RIC1: variants seen among roughly 807,000 people sequenced by gnomAD.
The protein encoded by RIC1 is guanine nucleotide exchange factor subunit RIC1.
A neutral mutation model predicts 169.0 loss-of-function variants in RIC1; 88 were observed. The observed-to-expected ratio is 0.52, with a 90% CI of 0.44 to 0.62. The LOEUF (loss-of-function observed/expected upper bound fraction) is 0.62, where lower values mean the gene tolerates loss of function less well. Among genes scored for constraint, RIC1 ranks in the 20% least tolerant of loss-of-function variants. The pLI is 0.00. For missense variants in RIC1, 1,877 were observed against 1,725.5 expected (o/e 1.09, Z -1.56); for synonymous variants, 790 against 601.5 (o/e 1.31, Z -4.59).
chr9:5,671,519 G>A (rs1404586319), intron 2 of RIC1, among the ~76,000 whole-genome samples: 4 of 152,098 alleles, frequency 2.6e-5, no homozygotes, highest in Non-Finnish European at 4.4e-5. Context: ...CAGGTGACCC[G>A]CCTGCCCCGG....
chr9:5,688,974 A>C (rs944487266), intron 2 of RIC1, among the ~76,000 whole-genome samples: 2 of 152,056 alleles, frequency 1.3e-5, no homozygotes, highest in Admixed American at 1.3e-4. Context: ...TTTGAACTTC[A>C]CAAATGTATG....
At chr9:5,656,876 G>A (rs1176916534) in intron 2 of RIC1, among the ~76,000 whole-genome samples, 186 bp downstream of exon 2, 2 of 152,032 alleles carry the variant, frequency 1.3e-5, no homozygotes, top group Admixed American at 1.3e-4. Context: ...TTCTGACTCT[G>A]CTACTTCCTT....
chr9:5,740,747 C>G (rs985362275), intron 8 of RIC1, among the ~76,000 whole-genome samples: 1 of 151,978 alleles, frequency 6.6e-6, no homozygotes, highest in African/African-American at 2.4e-5. Flanking sequence ...GGTGGGTCTG[C>G]CTTTCCCAGC....
chr9:5,656,530 T>A, intron 1 of RIC1, 53 bp from the exon 2 acceptor site: 1 of 804,230 alleles, frequency 1.2e-6, no homozygotes, highest in South Asian at 1.9e-5. Context: ...ATTTGTGTAT[T>A]TTTATGAGAT....
rs2130434291 is a variant in RIC1 at position 5,654,565 on chromosome 9, A to G, written c.145-2018A>G. Among the ~76,000 whole-genome samples the G allele has an allele frequency of 1.3e-5, 2 of 150,894 alleles. 1 individual carries two copies. The highest frequency in any genetic ancestry group is 4.0e-4 in the East Asian group (2 of 5,062). ...GCCCAGCTTTGTTTTTGTTTTTGAG[A>G]TTCAGTTTCTGTTGCCTAGGGTGGA... On this transcript the variant is annotated intron_variant, in intron 1 of 25. Transcript: ENST00000414202.
At chr9:5,665,129 C>T (rs898187499) in intron 2 of RIC1, among the ~76,000 whole-genome samples, 4 of 152,090 alleles carry the variant, frequency 2.6e-5, no homozygotes, top group Non-Finnish European at 5.9e-5. Context: ...GGACATTTAG[C>T]TCTTCTTGTT....
rs1216642947 is a variant in RIC1, at chr9:5,703,402, C to G, written c.333-10494C>G. Among the ~76,000 whole-genome samples, 3 of 152,318 alleles carry G rather than the reference C, an allele frequency of 2.0e-5. No homozygotes were observed. The East Asian group carries it at 5.8e-4, about 29-fold the overall frequency. On this transcript the variant is annotated intron_variant, in intron 3 of 25. Coordinates refer to ENST00000414202, the MANE Select transcript of RIC1 (RefSeq NM_020829.4). ...AGTACATTTACAGTGTTTTGTACAA[C>G]TATCACAATTACCTAGTTCCAGAAC...
intron 1 of RIC1, among the ~76,000 whole-genome samples, chr9:5,631,413 T>G (rs1817709080): frequency 6.6e-6 from 1 of 152,130 alleles, no homozygotes; most frequent in Non-Finnish European, 1.5e-5. Context: ...GTATGAGTGG[T>G]TAACCTTGGT....
chr9:5,714,754 AAG>A (rs1456265842), intron 4 of RIC1, among the ~76,000 whole-genome samples: 1 of 152,190 alleles, frequency 6.6e-6, no homozygotes, highest in Non-Finnish European at 1.5e-5. Context: ...TCTTGTTTAA[AAG>A]AGAGAGCATG....
chr9:5,778,279 C>G (rs933917330), downstream of RIC1, among the ~76,000 whole-genome samples: 1 of 152,096 alleles, frequency 6.6e-6, no homozygotes, highest in Non-Finnish European at 1.5e-5. Flanking sequence ...CAACATCAAA[C>G]TTTTTCTTTT....
At chr9:5,646,406 C>T (rs912706117) in intron 1 of RIC1, among the ~76,000 whole-genome samples, 1 of 152,036 alleles carries the variant, frequency 6.6e-6, no homozygotes, top group Non-Finnish European at 1.5e-5. Context: ...GATGGTGGCC[C>T]TATAAAATTC....
intron 2 of RIC1, among the ~76,000 whole-genome samples, chr9:5,676,963 G>T (rs1055442581): frequency 6.6e-6 from 1 of 152,200 alleles, no homozygotes; most frequent in East Asian, 1.9e-4. Context: ...GTTTGGGGCT[G>T]TAACAAACAA....
chr9:5,744,283 T>C (rs1218308870), intron 10 of RIC1, among the ~76,000 whole-genome samples: 2 of 152,118 alleles, frequency 1.3e-5, no homozygotes, highest in African/African-American at 4.8e-5. Flanking sequence ...GAAATGCTCA[T>C]TGGGCATTTT....
chr9:5,658,258 A>G (rs1043899479), intron 2 of RIC1, among the ~76,000 whole-genome samples: 31 of 152,248 alleles, frequency 2.0e-4, no homozygotes, highest in African/African-American at 6.7e-4. Flanking sequence ...TTATTATTCA[A>G]TGGCACTATA....
intron 15 of RIC1, among the ~76,000 whole-genome samples, chr9:5,755,944 A>AAATG (rs1417274354): frequency 6.7e-6 from 1 of 149,928 alleles, no homozygotes; most frequent in Non-Finnish European, 1.5e-5. Context: ...ATAAATAAAT[A>AAATG]AATAAATAAA....
chr9:5,640,643 G>C (rs1818193846), intron 1 of RIC1, among the ~76,000 whole-genome samples: 1 of 152,150 alleles, frequency 6.6e-6, no homozygotes, highest in Non-Finnish European at 1.5e-5. Flanking sequence ...CAAGTAGAAG[G>C]AGTTATACTC....
intron 2 of RIC1, among the ~76,000 whole-genome samples, chr9:5,676,044 T>A (rs1586924774): frequency 6.6e-6 from 1 of 152,208 alleles, no homozygotes; most frequent in East Asian, 1.9e-4. Context: ...GAGAAATTTA[T>A]AGTTTAAATG....
At position 5,772,299 on chromosome 9, in the gene RIC1, T is replaced by C. The variant is rs530842537; in HGVS notation, c.3617-265T>C. ...TGAATGTAAAGACTTGGTCAAACTC[T>C]AGCTAGATTTTATTGAGGGAGTTGG... On this transcript the variant is annotated intron_variant, in intron 23 of 25. Transcript: ENST00000414202. 3.3e-5 allele frequency among the ~76,000 whole-genome samples: 5 copies of C among 152,330 alleles called. No homozygotes were observed. The East Asian group carries it at 9.6e-4, about 29-fold the overall frequency.
chr9:5,762,905 G>C (rs1247833440), intron 18 of RIC1, among the ~76,000 whole-genome samples: 1 of 152,050 alleles, frequency 6.6e-6, no homozygotes, highest in Non-Finnish European at 1.5e-5. Context: ...AATTCTAATG[G>C]AAAAAATAGG....
Sources: allele counts gnomAD v4.1 joint callset (sites outside exome capture counted in the v4.1 genomes callset), GRCh38; gene constraint gnomAD v4.1.1; transcripts MANE v1.5; gene names NCBI Gene and HGNC (gene_info 2026-07-23, HGNC 2026-07-21).